TTC7B: variants seen among roughly 807,000 people sequenced by gnomAD.
The protein encoded by TTC7B is tetratricopeptide repeat protein 7B.
Under a neutral mutation model 106.8 loss-of-function variants are expected in TTC7B, and 28 were observed. The observed-to-expected ratio is 0.26, with a 90% confidence interval of 0.19 to 0.36. TTC7B has a LOEUF of 0.36. Ranked by LOEUF, TTC7B falls within the 10% of genes least tolerant of loss-of-function variation. The pLI, the probability that TTC7B is intolerant of heterozygous loss-of-function variation, is 1.00. For synonymous variants in TTC7B, 405 were observed against 430.6 expected (o/e 0.94, Z 0.74); for missense variants, 862 against 1,076.4 (o/e 0.80, Z 2.79).
intron 1 of TTC7B, among the ~76,000 whole-genome samples, chr14:90,800,960 AG>A (rs1052060100): frequency 1.3e-5 from 2 of 152,138 alleles, no homozygotes; most frequent in African/African-American, 4.8e-5. Flanking sequence ...CTGAGGCAGG[AG>A]GATTGCTTGT....
chr14:90,731,134 T>G (rs1388514089), intron 4 of TTC7B, among the ~76,000 whole-genome samples: 1 of 151,962 alleles, frequency 6.6e-6, no homozygotes, highest in Non-Finnish European at 1.5e-5. Context: ...GTATTTTTAG[T>G]AGAGACGGGG....
intron 4 of TTC7B, among the ~76,000 whole-genome samples, chr14:90,738,813 GC>G (rs1163313615): frequency 2.8e-4 from 43 of 152,222 alleles, no homozygotes; most frequent in East Asian, 7.7e-4. Flanking sequence ...TATCGCAGAG[GC>G]CACACACGTG....
At chr14:90,797,668 C>T (rs1025388457) in intron 1 of TTC7B, among the ~76,000 whole-genome samples, 8 of 152,082 alleles carry the variant, frequency 5.3e-5, no homozygotes, top group African/African-American at 1.9e-4. Context: ...TTCTACAAAG[C>T]AACTGACATA....
At chr14:90,695,468 C>T (rs773516434) in intron 6 of TTC7B, 32 bp downstream of exon 6, 5 of 1,379,858 alleles carry the variant, frequency 3.6e-6, no homozygotes, top group South Asian at 2.8e-5. Context: ...AAGTGCCCTG[C>T]TGGCCTCAAT....
intron 13 of TTC7B, among the ~76,000 whole-genome samples, chr14:90,650,393 C>T (rs1042396972): frequency 6.6e-6 from 1 of 152,318 alleles, no homozygotes; most frequent in East Asian, 1.9e-4. Context: ...GTTACTCACA[C>T]AGGGTGACCA....
intron 17 of TTC7B, among the ~76,000 whole-genome samples, chr14:90,597,248 G>A (rs959341765): frequency 1.3e-5 from 2 of 152,132 alleles, no homozygotes; most frequent in Admixed American, 1.3e-4. Flanking sequence ...ATATAAGTTG[G>A]TATCTACTAT....
In TTC7B at chr14:90,644,033, C is replaced by A. The variant is rs1039300036; in HGVS notation, c.1751+15G>T. On this transcript the variant is annotated intron_variant, in intron 15 of 19. Coordinates refer to ENST00000328459, the MANE Select transcript of TTC7B (RefSeq NM_001010854.2). ...ACTTCTGAGTAAGGGAAAACCAAAG[C>A]CCAGGATCACTTACATGAAATTTTC... 67 of 1,613,882 alleles carry A rather than the reference C, an allele frequency of 4.2e-5. No individual in the cohort carries two copies. The highest frequency in any genetic ancestry group is 1.8e-4 in the Admixed American group (11 of 59,988).
At chr14:90,751,572 A>AT (rs769173010) in intron 3 of TTC7B, among the ~76,000 whole-genome samples, 13 of 151,286 alleles carry the variant, frequency 8.6e-5, no homozygotes, top group Admixed American at 2.0e-4. Context: ...ATTTCTTTTT[A>AT]TTTATTTTTT....
intron 3 of TTC7B, among the ~76,000 whole-genome samples, chr14:90,765,552 A>G (rs898219511): frequency 6.6e-6 from 1 of 152,226 alleles, no homozygotes; most frequent in African/African-American, 2.4e-5. Context: ...CCAGGAATCT[A>G]TCTTCCCACA....
intron 1 of TTC7B, among the ~76,000 whole-genome samples, chr14:90,806,178 T>C (rs2030592956): frequency 6.6e-6 from 1 of 152,232 alleles, no homozygotes; most frequent in Non-Finnish European, 1.5e-5. Flanking sequence ...GCTGAGAGTC[T>C]AGTGGTCACA....
intron 5 of TTC7B, among the ~76,000 whole-genome samples, chr14:90,696,197 G>A (rs1457169672): frequency 6.6e-6 from 1 of 152,166 alleles, no homozygotes; most frequent in Non-Finnish European, 1.5e-5. Context: ...CTGAGTGTGA[G>A]CAGAGCACAC....
At chr14:90,793,440 G>A (rs1170413025) in intron 1 of TTC7B, among the ~76,000 whole-genome samples, 1 of 149,790 alleles carries the variant, frequency 6.7e-6, no homozygotes, top group Non-Finnish European at 1.5e-5. Flanking sequence ...AGGAAGAATC[G>A]CTTGAACCCA....
At chr14:90,611,231 C>T (rs77452403) in intron 16 of TTC7B, among the ~76,000 whole-genome samples, 1,661 of 152,294 alleles carry the variant, frequency 0.011, 36 homozygotes, top group African/African-American at 0.039. Flanking sequence ...GAAGAGTTGT[C>T]TTCATGAACC....
intron 3 of TTC7B, among the ~76,000 whole-genome samples, chr14:90,747,391 T>C (rs760946202): frequency 5.9e-5 from 9 of 152,264 alleles, no homozygotes; most frequent in Non-Finnish European, 1.2e-4. Flanking sequence ...TGTATCCATT[T>C]GCTGTAATAA....
chr14:90,582,198 G>T (rs1891523019), intron 18 of TTC7B, among the ~76,000 whole-genome samples: 1 of 152,240 alleles, frequency 6.6e-6, no homozygotes, highest in South Asian at 2.1e-4. Context: ...GGGCAGTGTG[G>T]CTCCCTCTTG....
intron 15 of TTC7B, among the ~76,000 whole-genome samples, chr14:90,641,965 G>C (rs769504259): frequency 5.3e-5 from 8 of 151,104 alleles, no homozygotes; most frequent in Non-Finnish European, 1.0e-4. Context: ...GTGTGTGTTG[G>C]AGGGTGAGAC....
At chr14:90,591,604 C>T (rs559259896) in intron 18 of TTC7B, among the ~76,000 whole-genome samples, 7 of 152,288 alleles carry the variant, frequency 4.6e-5, no homozygotes, top group Non-Finnish European at 1.0e-4. Context: ...GCTAGTTCCA[C>T]CCTGGAGGGA....
intron 9 of TTC7B, among the ~76,000 whole-genome samples, chr14:90,662,057 G>A (rs1319827774): frequency 6.6e-6 from 1 of 152,216 alleles, no homozygotes; most frequent in African/African-American, 2.4e-5. Flanking sequence ...CACTTGGGGA[G>A]CATCTAGTTG....
chr14:90,737,450 C>A (rs890152692), intron 4 of TTC7B, among the ~76,000 whole-genome samples: 10 of 150,010 alleles, frequency 6.7e-5, no homozygotes, highest in Non-Finnish European at 1.3e-4. Flanking sequence ...TGTAAAGAAA[C>A]AAAGTACTGA....
Sources: gnomAD v4.1 joint callset for allele counts (sites outside exome capture counted in the v4.1 genomes callset) on GRCh38, gnomAD v4.1.1 for gene constraint, MANE v1.5 for transcripts, NCBI Gene and HGNC (gene_info 2026-07-23, HGNC 2026-07-21) for gene names.